The following DNAJC15 variants were observed in gnomAD, a reference collection of about 807,000 sequenced individuals.
The protein encoded by DNAJC15 is dnaJ homolog subfamily C member 15.
Under a neutral mutation model 22.4 loss-of-function variants are expected in DNAJC15, and 27 were observed. The ratio of observed to expected loss-of-function variants is 1.20; its 90% CI spans 0.89 to 1.66. The LOEUF is 1.66. DNAJC15 is among the 40% of genes most tolerant of loss of function. The pLI, the probability that DNAJC15 is intolerant of heterozygous loss-of-function variation, is 0.00. For synonymous variants in DNAJC15, 79 were observed against 63.2 expected (o/e 1.25, Z -1.19); for missense variants, 208 against 187.1 (o/e 1.11, Z -0.65).
chr13:43,114,152 T>C lies in DNAJC15; in HGVS notation c.*6904T>C, dbSNP rs2040836944. On this transcript the variant is annotated 3_prime_UTR_variant, in exon 6 of 6. Transcript: ENST00000379221. ...AAATTGTAAAGGATAAACAATAAGA[T>C]AGTTTTATCTATGTGGTTTTCCCGA... 6.6e-6 allele frequency: 1 copy of C among 152,224 alleles called. No individual in the cohort carries two copies. Among genetic ancestry groups the C allele is most frequent in the Admixed American group, 6.5e-5 (1 of 15,282 alleles). The allele number at this position is 152,224 out of a possible 1,614,324, so 9.4% of individuals were successfully genotyped here.
chr13:43,100,200 G>T (rs2040760674), intron 5 of DNAJC15, among the ~76,000 whole-genome samples: 2 of 137,446 alleles, frequency 1.5e-5, no homozygotes, highest in African/African-American at 2.6e-5. Flanking sequence ...TTAAGTTATT[G>T]AAGTCTTTTT....
chr13:43,065,815 C>A, intron 2 of DNAJC15, 78 bp downstream of exon 2: 2 of 1,295,028 alleles, frequency 1.5e-6, no homozygotes, highest in Non-Finnish European at 2.2e-6. Flanking sequence ...ATGAGTAGAC[C>A]CTTAGTATTC....
chr13:43,062,453 A>C (rs2040563489), intron 1 of DNAJC15, among the ~76,000 whole-genome samples: 1 of 152,258 alleles, frequency 6.6e-6, no homozygotes, highest in South Asian at 2.1e-4. Flanking sequence ...CAAGGCAGAT[A>C]AAACTAGAAA....
chr13:43,059,445 C>T (rs1480407336), intron 1 of DNAJC15, among the ~76,000 whole-genome samples: 1 of 152,056 alleles, frequency 6.6e-6, no homozygotes, highest in African/African-American at 2.4e-5. Context: ...GCAATCTCGG[C>T]TCACCGCTTC....
chr13:43,099,953 ATAAAT>A (rs1322272495), intron 5 of DNAJC15, among the ~76,000 whole-genome samples: 3 of 152,064 alleles, frequency 2.0e-5, no homozygotes, highest in Admixed American at 2.0e-4. Flanking sequence ...GCTTTATAAA[ATAAAT>A]TAGGAAATGT....
intron 5 of DNAJC15, among the ~76,000 whole-genome samples, chr13:43,100,205 C>CTTTTTTTTTTT (rs368386623): frequency 9.0e-6 from 1 of 110,512 alleles, no homozygotes; most frequent in African/African-American, 3.4e-5. Context: ...TTATTGAAGT[C>CTTTTTTTTTTT]TTTTTTTTTT....
intron 4 of DNAJC15, 195 bp downstream of exon 4, chr13:43,078,883 CAAAA>C (rs1319663233): frequency 1.8e-5 from 7 of 397,054 alleles, no homozygotes; most frequent in Middle Eastern, 6.9e-4. Flanking sequence ...CAAAACAAAA[CAAAA>C]AAACAGGCAA....
At chr13:43,091,351 G>A (rs1468858366) in intron 5 of DNAJC15, among the ~76,000 whole-genome samples, 1 of 152,224 alleles carries the variant, frequency 6.6e-6, no homozygotes, top group East Asian at 1.9e-4. Flanking sequence ...GCCTCCCAAA[G>A]TGCTGGGATT....
At chr13:43,068,659 A>G (rs1480273449) in intron 2 of DNAJC15, among the ~76,000 whole-genome samples, 1 of 152,094 alleles carries the variant, frequency 6.6e-6, no homozygotes, top group Non-Finnish European at 1.5e-5. Flanking sequence ...TAAATGTAAG[A>G]TATTACACAT....
At chr13:43,046,136 A>G (rs1272744141) in intron 1 of DNAJC15, among the ~76,000 whole-genome samples, 1 of 151,062 alleles carries the variant, frequency 6.6e-6, no homozygotes, top group Non-Finnish European at 1.5e-5. Context: ...CATGTTTTCC[A>G]CATAACCTGT....
At chr13:43,052,624 C>T (rs1566204863) in intron 1 of DNAJC15, among the ~76,000 whole-genome samples, 2 of 152,178 alleles carry the variant, frequency 1.3e-5, no homozygotes, top group Non-Finnish European at 2.9e-5. Context: ...CCATGTTGGC[C>T]AGGCTGGTCT....
At chr13:43,065,983 G>A (rs2040581668) in intron 2 of DNAJC15, among the ~76,000 whole-genome samples, 1 of 151,980 alleles carries the variant, frequency 6.6e-6, no homozygotes, top group Non-Finnish European at 1.5e-5. Flanking sequence ...TTTATTCCTG[G>A]CATTTTTTTT....
At chr13:43,026,901 A>G (rs770743530) in intron 1 of DNAJC15, among the ~76,000 whole-genome samples, 10 of 152,180 alleles carry the variant, frequency 6.6e-5, no homozygotes, top group Non-Finnish European at 1.3e-4. Context: ...AAATAAATAT[A>G]TCTTGTCATA....
At chr13:43,040,807 G>T (rs1213539625) in intron 1 of DNAJC15, among the ~76,000 whole-genome samples, 1 of 152,110 alleles carries the variant, frequency 6.6e-6, no homozygotes, top group Non-Finnish European at 1.5e-5. Flanking sequence ...CGTGAACAAA[G>T]GTCTCTGCAT....
rs1467298728 is a variant in DNAJC15 at position 43,109,765 on chromosome 13, CAAGTT to C, written c.*2520_*2524del. On this transcript the variant is annotated 3_prime_UTR_variant, in exon 6 of 6. Coordinates refer to ENST00000379221, the MANE Select transcript of DNAJC15 (RefSeq NM_013238.3). ...TTTGGAGATATACTAATGTAAATGA[CAAGTT>C]AATTGGTGCAGCACACCAACATGGC... 6.6e-6 allele frequency: 1 copy of C among 152,076 alleles called. No individual in the cohort carries two copies. Among genetic ancestry groups the C allele is most frequent in the East Asian group, 1.9e-4 (1 of 5,182 alleles). The allele number at this position is 152,076 out of a possible 1,614,324, so 9.4% of individuals were successfully genotyped here.
intron 5 of DNAJC15, among the ~76,000 whole-genome samples, chr13:43,100,170 C>G (rs1428147355): frequency 1.3e-5 from 2 of 148,736 alleles, no homozygotes; most frequent in Non-Finnish European, 3.0e-5. Context: ...TCTTCTTTTT[C>G]CATTGTCTTA....
At chr13:43,023,830 C>T (rs944062070) in intron 1 of DNAJC15, 96 bp downstream of exon 1, 1 of 1,167,276 alleles carries the variant, frequency 8.6e-7, no homozygotes, top group Admixed American at 2.2e-5. Context: ...TTGTACTCCC[C>T]CGCATTCGCT....
chr13:43,060,568 G>A (rs894217358), intron 1 of DNAJC15, among the ~76,000 whole-genome samples: 6 of 151,986 alleles, frequency 3.9e-5, no homozygotes, highest in African/African-American at 1.5e-4. Context: ...GATTGATTTA[G>A]GTAAAAACAA....
intron 1 of DNAJC15, among the ~76,000 whole-genome samples, chr13:43,045,257 A>G (rs879573552): frequency 6.6e-6 from 1 of 152,028 alleles, no homozygotes; most frequent in Non-Finnish European, 1.5e-5. Flanking sequence ...TTTTTTTCCA[A>G]AAGTCATTTT....
Sources: gnomAD v4.1 joint callset for allele counts (sites outside exome capture counted in the v4.1 genomes callset) on GRCh38, gnomAD v4.1.1 for gene constraint, MANE v1.5 for transcripts, NCBI Gene and HGNC (gene_info 2026-07-23, HGNC 2026-07-21) for gene names.